Variants in TMEM52B observed in about 807,000 individuals in gnomAD.
The protein encoded by TMEM52B is chromosome 12 open reading frame 59.
In TMEM52B, 11 loss-of-function variants were observed where a neutral mutation model predicts 16.1. The ratio of observed to expected loss-of-function variants is 0.68; its 90% confidence interval spans 0.43 to 1.13. The LOEUF is 1.13. Among genes scored for constraint, TMEM52B ranks in the 50% most tolerant of loss-of-function variants. The pLI, the probability that TMEM52B is intolerant of heterozygous loss-of-function variation, is 0.00. For missense variants in TMEM52B, 243 were observed against 230.4 expected, an observed-to-expected ratio of 1.05 and a Z score of -0.35; for synonymous variants, 101 against 93.8, an observed-to-expected ratio of 1.08 and a Z score of -0.45.
At chr12:10,186,949 T>C (rs1180025491) in intron 4 of TMEM52B, among the ~76,000 whole-genome samples, 1 of 152,170 alleles carries the variant, frequency 6.6e-6, no homozygotes, top group African/African-American at 2.4e-5. Flanking sequence ...CTATTATCTA[T>C]ACTATTTTAT....
At chr12:10,187,447 AG>A (rs1948894250) in intron 4 of TMEM52B, among the ~76,000 whole-genome samples, 1 of 151,828 alleles carries the variant, frequency 6.6e-6, no homozygotes, top group African/African-American at 2.4e-5. Flanking sequence ...TCTGTTGCCC[AG>A]GCTGGAGTGC....
intron 1 of TMEM52B, 143 bp downstream of exon 1, chr12:10,179,771 G>T (rs1948801414): frequency 7.9e-6 from 7 of 886,086 alleles, no homozygotes; most frequent in Non-Finnish European, 1.1e-5. Context: ...AAACTACAAA[G>T]TTTCCTTAGT....
At chr12:10,184,805 T>G (rs1239186639) in intron 2 of TMEM52B, among the ~76,000 whole-genome samples, 1 of 152,118 alleles carries the variant, frequency 6.6e-6, no homozygotes, top group Non-Finnish European at 1.5e-5. Context: ...AAAGTTACTC[T>G]TTGTAAACTT....
chr12:10,171,299 C>T (rs1948714260), intron 1 of TMEM52B, among the ~76,000 whole-genome samples: 1 of 151,964 alleles, frequency 6.6e-6, no homozygotes, highest in Non-Finnish European at 1.5e-5. Context: ...GTTCATTTTC[C>T]TCAGAACAGA....
In TMEM52B at chr12:10,189,898, C is replaced by G. The variant is rs1438017363; in HGVS notation, c.310C>G (p.Leu104Val). 1 of 1,613,680 alleles carries G rather than the reference C, an allele frequency of 6.2e-7. No individual in the cohort carries two copies. The highest frequency in any genetic ancestry group is 2.2e-5 in the East Asian group (1 of 44,880). Residue 104 changes from leucine (L) to valine (V), a missense_variant and splice_region_variant, in exon 5 of 5, where the codon CTG becomes GTG. Leu to Val is a conservative substitution (Grantham distance 32). Coordinates refer to ENST00000543484, the MANE Select transcript of TMEM52B (RefSeq NM_001384896.1). ...DSTLQSTITS[L>V]QSVFGPAARR... ...CTCTGTTCCTTCTTTCTTCACAGCTCTGCAGTCGGTGTTTGGCCCTGCAGC... is the reference window on the plus strand; with the variant it reads ...CTCTGTTCCTTCTTTCTTCACAGCTGTGCAGTCGGTGTTTGGCCCTGCAGC...
chr12:10,189,842 T>A (rs927048429), intron 4 of TMEM52B, 54 bp from the exon 5 acceptor site: 10 of 1,599,946 alleles, frequency 6.3e-6, no homozygotes, highest in Non-Finnish European at 8.5e-6. Context: ...CTCTGCTGTC[T>A]GAGGGTGTCC....
chr12:10,179,742 G>A, intron 1 of TMEM52B, 114 bp downstream of exon 1: 1 of 1,209,866 alleles, frequency 8.3e-7, no homozygotes, highest in Non-Finnish European at 1.2e-6. Context: ...AGAACCCAGG[G>A]GGTCATAGGG....
intron 1 of TMEM52B, among the ~76,000 whole-genome samples, chr12:10,173,027 G>A (rs1180128182): frequency 1.3e-5 from 2 of 152,026 alleles, no homozygotes; most frequent in African/African-American, 2.4e-5. Flanking sequence ...ATAATAAGAA[G>A]CCAATAAATA....
At chr12:10,182,718 T>A (rs567777210) in intron 2 of TMEM52B, 125 bp downstream of exon 2, 2 of 1,021,140 alleles carry the variant, frequency 2.0e-6, no homozygotes, top group South Asian at 1.9e-5. Flanking sequence ...AAGTAATAGA[T>A]CTCATAGATG....
At chr12:10,189,643 G>A (rs7307533) in intron 4 of TMEM52B, among the ~76,000 whole-genome samples, 208 of 128,844 alleles carry the variant, frequency 1.6e-3, no homozygotes, top group East Asian at 7.1e-3. Context: ...AAAAAAAAAA[G>A]AGAGAGAGAG....
chr12:10,184,021 C>T (rs958728091), intron 2 of TMEM52B, among the ~76,000 whole-genome samples: 1 of 152,158 alleles, frequency 6.6e-6, no homozygotes, highest in Non-Finnish European at 1.5e-5. Context: ...CTTAAAGCCT[C>T]ACCCCTCAAC....
chr12:10,178,382 G>T (rs1205999349), upstream of TMEM52B, among the ~76,000 whole-genome samples: 1 of 151,860 alleles, frequency 6.6e-6, no homozygotes, highest in Non-Finnish European at 1.5e-5. Context: ...ACTTAGCCGG[G>T]CGTGGTGGTG....
At chr12:10,174,688 T>G (rs1948753191), upstream of TMEM52B, among the ~76,000 whole-genome samples, 2 of 152,202 alleles carry the variant, frequency 1.3e-5, no homozygotes, top group African/African-American at 4.8e-5. Flanking sequence ...TTTCTATGTA[T>G]GTACACAGCG....
chr12:10,188,875 G>A (rs1310989869), intron 4 of TMEM52B, among the ~76,000 whole-genome samples: 3 of 151,940 alleles, frequency 2.0e-5, no homozygotes, highest in Non-Finnish European at 4.4e-5. Context: ...AAATTAGCTC[G>A]GCGTGGTGGC....
In TMEM52B at chr12:10,186,516, TG is replaced by T; in HGVS notation, c.239del (p.Gly80AlafsTer7). ...CLSRQQNGED[G>X]GPPPCEVTVI... Reference sequence around the variant, plus strand: ...TGAGCCGCCAGCAAAATGGGGAAGATGGGGGCCCACCACCCTGTGAAGTGAC... The same window carrying T: ...TGAGCCGCCAGCAAAATGGGGAAGATGGGGCCCACCACCCTGTGAAGTGAC... On this transcript the variant is annotated frameshift_variant, in exon 4 of 5. Coordinates refer to ENST00000543484, the MANE Select transcript of TMEM52B (RefSeq NM_001384896.1). LOFTEE classifies it high-confidence loss of function. 1 of 1,610,314 alleles carries T rather than the reference TG, an allele frequency of 6.2e-7. No individual in the cohort carries two copies.
rs1591988195 is a variant in TMEM52B, at chr12:10,179,504, A to T, written c.-71A>T. On this transcript the variant is annotated 5_prime_UTR_variant, in exon 1 of 5. It removes an upstream start codon present in the reference 5' UTR. Coordinates refer to ENST00000543484, the MANE Select transcript of TMEM52B (RefSeq NM_001384896.1). ...AGAATTCTAGGTCAAGAAGTAAAAT[A>T]TGGCACAGAGCATTGAAAGGAGGCA... 1 of 1,519,800 alleles carries T rather than the reference A, an allele frequency of 6.6e-7. No individual in the cohort carries two copies. Among genetic ancestry groups the T allele is most frequent in the East Asian group, 2.3e-5 (1 of 44,362 alleles). The allele number at this position is 1,519,800 out of a possible 1,614,324, so 94.1% of individuals were successfully genotyped here. A position where few individuals can be genotyped will look rare whatever the true frequency, so the allele number is the denominator to read the frequency against.
upstream of TMEM52B, among the ~76,000 whole-genome samples, chr12:10,175,735 T>C (rs1360217173): frequency 2.6e-5 from 4 of 152,346 alleles, no homozygotes; most frequent in East Asian, 7.7e-4. Context: ...ATGAAACTTC[T>C]TCTGCTATAT....
intron 2 of TMEM52B, 111 bp from the exon 3 acceptor site, chr12:10,185,219 T>A (rs1948866851): frequency 1.3e-6 from 1 of 796,392 alleles, no homozygotes. Flanking sequence ...CCCATGGTGC[T>A]TTATTTATAA....
rs1258526203 is a variant in TMEM52B, at chr12:10,181,571, GC to G, written c.55-976del. Among the ~76,000 whole-genome samples, 3 of 150,380 alleles carry G rather than the reference GC, an allele frequency of 2.0e-5. No homozygotes were observed. In the South Asian group the frequency reaches 6.4e-4, roughly 32 times the overall value. On this transcript the variant is annotated intron_variant, in intron 1 of 4. Transcript: ENST00000543484. ...TCTCGAACTCCTGACCTCATGATCT[GC>G]CCACCTTGGCCTCCCAAAGTGCTGG...
Sources: gnomAD v4.1 joint callset for allele counts (sites outside exome capture counted in the v4.1 genomes callset) on GRCh38, gnomAD v4.1.1 for gene constraint, MANE v1.5 for transcripts, NCBI Gene and HGNC (gene_info 2026-07-23, HGNC 2026-07-21) for gene names.